The following NRXN3 variants were observed in gnomAD, a reference collection of about 807,000 sequenced individuals.
NRXN3 encodes neurexin III.
In NRXN3, 32 loss-of-function variants were observed where a neutral mutation model predicts 137.6. That is an observed-to-expected ratio of 0.23 (90% CI 0.18 to 0.31). The LOEUF (loss-of-function observed/expected upper bound fraction) is 0.31. Among genes scored for constraint, NRXN3 ranks in the 10% least tolerant of loss-of-function variants. The pLI is 1.00. For synonymous variants in NRXN3, 798 were observed against 784.5 expected, an observed-to-expected ratio of 1.02 and a Z score of -0.29; for missense variants, 1,574 against 2,062.5, an observed-to-expected ratio of 0.76 and a Z score of 4.59.
chr14:79,393,027 G>T (rs1356827203), intron 15 of NRXN3, among the ~76,000 whole-genome samples: 2 of 150,140 alleles, frequency 1.3e-5, no homozygotes, highest in Non-Finnish European at 3.0e-5. Context: ...AGGATGTGGA[G>T]AAATAGGAAC....
At chr14:78,870,681 C>T (rs1237110830) in intron 10 of NRXN3, among the ~76,000 whole-genome samples, 1 of 151,720 alleles carries the variant, frequency 6.6e-6, no homozygotes, top group Non-Finnish European at 1.5e-5. Flanking sequence ...TTTATGTTCC[C>T]CTCCCCCACT....
intron 8 of NRXN3, among the ~76,000 whole-genome samples, chr14:78,731,694 T>A (rs1400605804): frequency 6.6e-6 from 1 of 151,612 alleles, no homozygotes; most frequent in Non-Finnish European, 1.5e-5. Context: ...TATATTCTAT[T>A]CTATATATAT....
At chr14:79,830,583 C>A (rs1366245952) in intron 20 of NRXN3, among the ~76,000 whole-genome samples, 1 of 152,092 alleles carries the variant, frequency 6.6e-6, no homozygotes, top group Non-Finnish European at 1.5e-5. Flanking sequence ...GCCTGAGAGC[C>A]CTGCCAGACA....
rs2096219289 is a variant in NRXN3 at position 78,517,079 on chromosome 14, A to T, written c.758-128041A>T. ...CAGGCACAAGTGAGAAAGTATTTTA[A>T]TCTTCTTACATTTTTAGGCCATGTC... On this transcript the variant is annotated intron_variant, in intron 4 of 20. Coordinates refer to ENST00000335750, the MANE Select transcript of NRXN3 (RefSeq NM_001330195.2). 2.0e-5 allele frequency among the ~76,000 whole-genome samples: 3 copies of T among 152,130 alleles called. No individual in the cohort carries two copies. In the South Asian group the frequency reaches 6.2e-4, roughly 32 times the overall value.
At chr14:79,436,066 T>A (rs1282272543) in intron 15 of NRXN3, among the ~76,000 whole-genome samples, 1 of 152,168 alleles carries the variant, frequency 6.6e-6, no homozygotes, top group Non-Finnish European at 1.5e-5. Flanking sequence ...CCTCCATGTG[T>A]CTAATATAAC....
chr14:79,556,943 CA>C (rs2097435449), intron 16 of NRXN3, among the ~76,000 whole-genome samples: 1 of 152,084 alleles, frequency 6.6e-6, no homozygotes, highest in Non-Finnish European at 1.5e-5. Context: ...CTGCCCCCTG[CA>C]AAAACCTAAT....
At chr14:79,285,893 G>A (rs988464491) in intron 15 of NRXN3, among the ~76,000 whole-genome samples, 3 of 86,386 alleles carry the variant, frequency 3.5e-5, no homozygotes. Context: ...CCCAGTTATT[G>A]GGAAAGAAGT....
intron 15 of NRXN3, among the ~76,000 whole-genome samples, chr14:79,339,891 A>T (rs1486797796): frequency 6.6e-6 from 1 of 152,210 alleles, no homozygotes; most frequent in Non-Finnish European, 1.5e-5. Context: ...GGTAAAATGC[A>T]TACAATTAGT....
At position 78,592,241 on chromosome 14, in the gene NRXN3, T is replaced by C. The variant is rs17107885; in HGVS notation, c.758-52879T>C. ...TTTTTAAGGAGATGATGGCAAGTGA[T>C]TTCTTTTTAACCCATTTTAAGGGCC... On this transcript the variant is annotated intron_variant, in intron 4 of 20. Coordinates refer to ENST00000335750, the MANE Select transcript of NRXN3 (RefSeq NM_001330195.2). 4.8e-3 allele frequency among the ~76,000 whole-genome samples: 737 copies of C among 152,300 alleles called. 20 individuals are homozygous for C. The East Asian group carries it at 0.092, about 19-fold the overall frequency.
chr14:79,814,896 G>GA lies in NRXN3; in HGVS notation c.4093+9715dup, dbSNP rs200001059. ...TGTTCAGCAAGGCATCTGAGGATGGGAAAAAAAAACTTTTTAACTCACTGG... is the reference window on the plus strand; with the variant it reads ...TGTTCAGCAAGGCATCTGAGGATGGGAAAAAAAAAACTTTTTAACTCACTGG... On this transcript the variant is annotated intron_variant, in intron 20 of 20. Transcript: ENST00000335750. Among the ~76,000 whole-genome samples, 380 of 151,258 alleles carry GA rather than the reference G, an allele frequency of 2.5e-3. 10 individuals carry two copies. In the East Asian group the frequency reaches 0.045, roughly 18 times the overall value.
At chr14:79,454,328 T>C (rs2096227312) in intron 15 of NRXN3, among the ~76,000 whole-genome samples, 1 of 152,110 alleles carries the variant, frequency 6.6e-6, no homozygotes, top group South Asian at 2.1e-4. Flanking sequence ...GTGATCCACC[T>C]GCCTAGGCCT....
At chr14:79,471,551 A>T (rs1033083342) in intron 16 of NRXN3, among the ~76,000 whole-genome samples, 10 of 152,190 alleles carry the variant, frequency 6.6e-5, no homozygotes, top group African/African-American at 2.4e-4. Flanking sequence ...CAAGTCCTGG[A>T]ATGATTTATC....
At chr14:79,357,464 T>G (rs1008030500) in intron 15 of NRXN3, among the ~76,000 whole-genome samples, 3 of 152,202 alleles carry the variant, frequency 2.0e-5, no homozygotes, top group African/African-American at 4.8e-5. Flanking sequence ...ATTTAAGTTT[T>G]CTGGGACTGT....
rs148537262 is a variant in NRXN3, at chr14:79,197,916, A to G, written c.3262+209775A>G. ...ATTGCTTTTTCAACTAAGTTTATGTAATATTCTAAATCATTTGTTGTGATT... is the reference window on the plus strand; with the variant it reads ...ATTGCTTTTTCAACTAAGTTTATGTGATATTCTAAATCATTTGTTGTGATT... On this transcript the variant is annotated intron_variant, in intron 15 of 20. Coordinates refer to ENST00000335750, the MANE Select transcript of NRXN3 (RefSeq NM_001330195.2). 3.3e-3 allele frequency among the ~76,000 whole-genome samples: 498 copies of G among 152,316 alleles called. 1 individual carries two copies. Among genetic ancestry groups the G allele is most frequent in the African/African-American group, 0.011 (478 of 41,568 alleles).
At position 78,501,573 on chromosome 14, in the gene NRXN3, T is replaced by G. The variant is rs548385507; in HGVS notation, c.758-143547T>G. ...GCTACTTACTAGGTCTAGCCCACACTCAGGTGGAGAAGGTTATACTTGGGC... is the reference window on the plus strand; with the variant it reads ...GCTACTTACTAGGTCTAGCCCACACGCAGGTGGAGAAGGTTATACTTGGGC... On this transcript the variant is annotated intron_variant, in intron 4 of 20. Transcript: ENST00000335750. 2.3e-3 allele frequency among the ~76,000 whole-genome samples: 348 copies of G among 152,248 alleles called. 3 individuals carry two copies. Among genetic ancestry groups the G allele is most frequent in the African/African-American group, 8.1e-3 (336 of 41,544 alleles).
At chr14:79,559,810 T>G (rs969554973) in intron 16 of NRXN3, among the ~76,000 whole-genome samples, 2 of 152,296 alleles carry the variant, frequency 1.3e-5, no homozygotes, top group Admixed American at 6.5e-5. Context: ...AAACAGTAGT[T>G]GGATAAATTG....
chr14:78,367,450 C>T (rs1395527919), intron 4 of NRXN3, among the ~76,000 whole-genome samples: 2 of 152,156 alleles, frequency 1.3e-5, no homozygotes, highest in Non-Finnish European at 2.9e-5. Context: ...TAACAGTGGT[C>T]TGATAGTGAC....
chr14:79,599,415 A>C (rs1345001636), intron 16 of NRXN3, among the ~76,000 whole-genome samples: 1 of 152,168 alleles, frequency 6.6e-6, no homozygotes, highest in African/African-American at 2.4e-5. Flanking sequence ...CTGTTGCATC[A>C]CACCTTCTCT....
chr14:78,969,651 C>A (rs1184568113), intron 14 of NRXN3, among the ~76,000 whole-genome samples: 2 of 152,176 alleles, frequency 1.3e-5, no homozygotes, highest in Non-Finnish European at 2.9e-5. Context: ...GTCAGCTTAT[C>A]AGGCTGACTT....
Sources: gnomAD v4.1 joint callset for allele counts (sites outside exome capture counted in the v4.1 genomes callset) on GRCh38, gnomAD v4.1.1 for gene constraint, MANE v1.5 for transcripts, NCBI Gene and HGNC (gene_info 2026-07-23, HGNC 2026-07-21) for gene names.